The following SEC14L6 variants were observed in gnomAD, a reference collection of about 807,000 sequenced individuals.
SEC14L6 encodes the protein SEC14 like lipid binding 6, also known as SEC14-like protein 6.
Under a neutral mutation model 54.1 loss-of-function variants are expected in SEC14L6, and 40 were observed. That is an observed-to-expected ratio of 0.74 (90% CI 0.57 to 0.96). The LOEUF (loss-of-function observed/expected upper bound fraction) is 0.96. Ranked by LOEUF, SEC14L6 falls within the 40% of genes least tolerant of loss-of-function variation. SEC14L6 has a pLI of 0.00. For missense variants in SEC14L6, 471 were observed against 498.3 expected, an observed-to-expected ratio of 0.95 and a Z score of 0.52; for synonymous variants, 171 against 198.4, an observed-to-expected ratio of 0.86 and a Z score of 1.16.
chr22:30,542,928 C>T lies in SEC14L6; in HGVS notation c.54+3701G>A, dbSNP rs61741798. 2.8e-3 allele frequency: 4,498 copies of T among 1,600,980 alleles called. 32 individuals are homozygous for T. The highest frequency in any genetic ancestry group is 0.021 in the African/African-American group (1,553 of 74,682). On this transcript the variant is annotated intron_variant, in intron 1 of 11. Transcript: ENST00000402034. ...TCACCCCAGCAGATGCCGGCACCTA[C>T]TACTGTGTGAAGTTCCAGAAAGGGA...
intron 1 of SEC14L6, chr22:30,542,928 C>G: frequency 6.2e-7 from 1 of 1,601,124 alleles, no homozygotes; most frequent in Non-Finnish European, 8.5e-7. Flanking sequence ...CCGGCACCTA[C>G]TACTGTGTGA....
Position 30,545,707 on chromosome 22 carries a change from C to T in SEC14L6, c.54+922G>A, listed in dbSNP as rs147473084. Among the ~76,000 whole-genome samples the T allele has an allele frequency of 3.1e-3, 478 of 152,268 alleles. 4 individuals are homozygous for T. The highest frequency in any genetic ancestry group is 0.011 in the African/African-American group (446 of 41,560). ...CCTCAAAGTGCGGGGATTATAGGCC[C>T]GAGCTACTGCACCAGACCAGTTGTT... On this transcript the variant is annotated intron_variant, in intron 1 of 11. Transcript: ENST00000402034.
intron 8 of SEC14L6, among the ~76,000 whole-genome samples, chr22:30,528,422 C>CCTTTTTTTTT (rs773969166): frequency 0.034 from 3,609 of 105,228 alleles, 261 homozygotes; most frequent in African/African-American, 0.12. Context: ...CGCTCGGCCT[C>CCTTTTTTTTT]TTTTTTTTTT....
Position 30,529,353 on chromosome 22 carries a change from C to T in SEC14L6, c.520-4G>A, listed in dbSNP as rs956421180. On this transcript the variant is annotated splice_polypyrimidine_tract_variant and splice_region_variant and intron_variant, in intron 6 of 11. Coordinates refer to ENST00000402034, the MANE Select transcript of SEC14L6 (RefSeq NM_001193336.4). ...TTGCTTCAAGTGCTGAGAAAAACTG[C>T]GGAACCAAGTGGCAGAAGTGATGGG... The T allele has an allele frequency of 5.8e-6, 9 of 1,550,150 alleles. No homozygotes were observed. The highest frequency in any genetic ancestry group is 1.4e-5 in the African/African-American group (1 of 73,134).
At chr22:30,534,115 C>T in intron 2 of SEC14L6, 76 bp from the exon 3 acceptor site, 2 of 1,405,738 alleles carry the variant, frequency 1.4e-6, no homozygotes, top group Non-Finnish European at 2.0e-6. Context: ...AACGGCCCTG[C>T]CCCACCCTCC....
rs200062559 is a variant in SEC14L6, at chr22:30,540,368, T to TC, written c.55-1467_55-1466insG. On this transcript the variant is annotated intron_variant, in intron 1 of 11. Coordinates refer to ENST00000402034, the MANE Select transcript of SEC14L6 (RefSeq NM_001193336.4). ...GAACACTGCCCCTCCTTTTTGTTCC[T>TC]TTTTTTTTTTTTTTTTTTTTTTGAG... Among the ~76,000 whole-genome samples the TC allele has an allele frequency of 8.2e-4, 72 of 87,432 alleles. 1 individual carries two copies. Among genetic ancestry groups the TC allele is most frequent in the Admixed American group, 9.9e-4 (10 of 10,136 alleles). 57.4% of individuals were successfully genotyped at this position (87,432 alleles called of 152,430 possible).
chr22:30,546,685 T>A lies in SEC14L6; in HGVS notation c.-3A>T. On this transcript the variant is annotated 5_prime_UTR_variant, in exon 1 of 12. Transcript: ENST00000402034. ...AGGTCACCCACTTGTCCACTCATGC[T>A]GCCCATGAATGGGTCCAGGCTCCAC... 6.4e-7 allele frequency: 1 copy of A among 1,550,400 alleles called. No homozygotes were observed. Among genetic ancestry groups the A allele is most frequent in the Non-Finnish European group, 8.7e-7 (1 of 1,146,830 alleles).
At chr22:30,533,871 C>G (rs1937062571) in intron 3 of SEC14L6, 125 bp downstream of exon 3, 1 of 924,344 alleles carries the variant, frequency 1.1e-6, no homozygotes. Context: ...GGTTTACCTT[C>G]CAGTCTCAAT....
chr22:30,527,752 C>G (rs1018538092), intron 8 of SEC14L6, among the ~76,000 whole-genome samples: 2 of 145,570 alleles, frequency 1.4e-5, no homozygotes, highest in African/African-American at 5.1e-5. Context: ...TCCTAACATG[C>G]ATTTTCCTTT....
At chr22:30,532,126 G>A in intron 5 of SEC14L6, 128 bp from the exon 6 acceptor site, 1 of 1,445,922 alleles carries the variant, frequency 6.9e-7, no homozygotes, top group Non-Finnish European at 9.1e-7. Flanking sequence ...AGAGATGGGG[G>A]AGGGAAGGGG....
In SEC14L6 at chr22:30,525,414, G is replaced by A. The variant is rs1009073068; in HGVS notation, c.1017C>T (p.Ser339=). 7 of 1,614,160 alleles carry A rather than the reference G, an allele frequency of 4.3e-6. No individual in the cohort carries two copies. Among genetic ancestry groups the A allele is most frequent in the Non-Finnish European group, 5.9e-6 (7 of 1,180,016 alleles). The change falls in exon 11 of 12, where the codon AGC becomes AGT. Residue 339 remains serine (S), a synonymous_variant. Coordinates refer to ENST00000402034, the MANE Select transcript of SEC14L6 (RefSeq NM_001193336.4). ...GCACCATGTGGGCATTGTAGCGCTG[G>A]CTGGGCAGCACCTCTGTCATCTCCC... ...RAREMTEVLP[S]QRYNAHMVPE...
intron 1 of SEC14L6, among the ~76,000 whole-genome samples, chr22:30,540,437 C>A (rs1217263106): frequency 6.8e-6 from 1 of 146,824 alleles, no homozygotes; most frequent in Non-Finnish European, 1.5e-5. Context: ...ATTACTTGGC[C>A]AGGTGAGGTG....
chr22:30,527,705 A>ACCT (rs1568963484), intron 8 of SEC14L6, among the ~76,000 whole-genome samples: 2 of 129,434 alleles, frequency 1.5e-5, no homozygotes, highest in Non-Finnish European at 3.1e-5. Flanking sequence ...GCAGAGTGAG[A>ACCT]CCTTGTCTCA....
chr22:30,535,512 G>A (rs1428707631), intron 2 of SEC14L6, among the ~76,000 whole-genome samples: 1 of 152,222 alleles, frequency 6.6e-6, no homozygotes, highest in Non-Finnish European at 1.5e-5. Context: ...GGAAACTGAG[G>A]GCCCAACAGA....
intron 1 of SEC14L6, among the ~76,000 whole-genome samples, chr22:30,544,983 C>T (rs1383233986): frequency 1.3e-5 from 2 of 152,094 alleles, no homozygotes; most frequent in Non-Finnish European, 2.9e-5. Context: ...TTCTTTGCCC[C>T]GGGAACCCCA....
chr22:30,543,339 G>A, intron 1 of SEC14L6: 1 of 1,571,812 alleles, frequency 6.4e-7, no homozygotes, highest in Non-Finnish European at 8.8e-7. Flanking sequence ...CCACCTTGGA[G>A]GTTACTCAAC....
At chr22:30,534,246 C>A (rs1038331159) in intron 2 of SEC14L6, among the ~76,000 whole-genome samples, 1 of 152,176 alleles carries the variant, frequency 6.6e-6, no homozygotes, top group Non-Finnish European at 1.5e-5. Context: ...CTGGGCATGC[C>A]CCTTGGTGGG....
chr22:30,527,927 A>G (rs917173337), intron 8 of SEC14L6, among the ~76,000 whole-genome samples: 1 of 151,918 alleles, frequency 6.6e-6, no homozygotes, highest in Admixed American at 6.6e-5. Context: ...AATGATTATC[A>G]TATGATAAGT....
At chr22:30,530,542 C>T (rs913932027) in intron 6 of SEC14L6, among the ~76,000 whole-genome samples, 1 of 152,132 alleles carries the variant, frequency 6.6e-6, no homozygotes, top group African/African-American at 2.4e-5. Context: ...CTGAGACCAC[C>T]CCCACACACC....
Sources: gnomAD v4.1 joint callset for allele counts (sites outside exome capture counted in the v4.1 genomes callset) on GRCh38, gnomAD v4.1.1 for gene constraint, MANE v1.5 for transcripts, NCBI Gene and HGNC (gene_info 2026-07-23, HGNC 2026-07-21) for gene names.